The following ZDHHC14 variants were observed in gnomAD, a reference collection of about 807,000 sequenced individuals.
The protein encoded by ZDHHC14 is palmitoyltransferase ZDHHC14.
Under a neutral mutation model 47.7 loss-of-function variants are expected in ZDHHC14, and 16 were observed. The ratio of observed to expected loss-of-function variants is 0.34; its 90% CI spans 0.23 to 0.51. ZDHHC14 has a LOEUF of 0.51. Ranked by LOEUF, ZDHHC14 falls within the 20% of genes least tolerant of loss-of-function variation. ZDHHC14 has a pLI of 0.97. For synonymous variants in ZDHHC14, 293 were observed against 278.9 expected (o/e 1.05, Z -0.50); for missense variants, 515 against 662.5 (o/e 0.78, Z 2.44).
chr6:157,396,623 A>T (rs559690204), intron 1 of ZDHHC14, among the ~76,000 whole-genome samples: 9 of 152,362 alleles, frequency 5.9e-5, no homozygotes, highest in Admixed American at 5.2e-4. Flanking sequence ...TAACACACAC[A>T]GTCAAATGGT....
intron 7 of ZDHHC14, 106 bp from the exon 8 acceptor site, chr6:157,653,419 G>GCATGTCACGGGAAGAGGGAGC: frequency 8.8e-7 from 1 of 1,142,574 alleles, no homozygotes; most frequent in Non-Finnish European, 1.3e-6. Context: ...CCTGAGGTGG[G>GCATGTCACGGGAAGAGGGAGC]CCTGTCACGG....
chr6:157,592,180 G>A (rs1350911656), intron 2 of ZDHHC14, among the ~76,000 whole-genome samples: 3 of 151,964 alleles, frequency 2.0e-5, no homozygotes, highest in African/African-American at 4.8e-5. Flanking sequence ...CCTTGGGGGA[G>A]TTTTAAAAGC....
intron 1 of ZDHHC14, among the ~76,000 whole-genome samples, chr6:157,523,216 A>G (rs1457577009): frequency 6.6e-6 from 1 of 151,848 alleles, no homozygotes; most frequent in Admixed American, 6.6e-5. Context: ...ATGGGCACTT[A>G]AATTTTTTCT....
chr6:157,427,781 C>T lies in ZDHHC14; in HGVS notation c.245+45515C>T, dbSNP rs1353204304. ...CACTGTGAGATTGACCACCTTCCAT[C>T]GGAGTGTGGAAACAGGTTTTCATCA... On this transcript the variant is annotated intron_variant, in intron 1 of 8. Coordinates refer to ENST00000359775, the MANE Select transcript of ZDHHC14 (RefSeq NM_024630.3). The surrounding 1 kb of genome is among the most constrained non-coding windows in gnomAD (Gnocchi z 4.4). 6.6e-6 allele frequency among the ~76,000 whole-genome samples: 1 copy of T among 152,084 alleles called. No individual in the cohort carries two copies. The highest frequency in any genetic ancestry group is 1.5e-5 in the Non-Finnish European group (1 of 68,024).
At chr6:157,513,179 G>A (rs1780557158) in intron 1 of ZDHHC14, among the ~76,000 whole-genome samples, 1 of 152,224 alleles carries the variant, frequency 6.6e-6, no homozygotes, top group African/African-American at 2.4e-5. Flanking sequence ...ACGTCTCGCT[G>A]TTGAGCAGAT....
chr6:157,458,262 C>T (rs777265236), intron 1 of ZDHHC14, among the ~76,000 whole-genome samples: 24 of 152,060 alleles, frequency 1.6e-4, no homozygotes, highest in Non-Finnish European at 2.2e-4. Flanking sequence ...TTTTTTCATT[C>T]GGTGTAGCAT....
At chr6:157,439,273 G>A (rs1352065879) in intron 1 of ZDHHC14, among the ~76,000 whole-genome samples, 1 of 152,114 alleles carries the variant, frequency 6.6e-6, no homozygotes, top group Non-Finnish European at 1.5e-5. Flanking sequence ...AACTGACAAA[G>A]ATCTAATATC....
intron 3 of ZDHHC14, among the ~76,000 whole-genome samples, chr6:157,601,494 C>T (rs1784334172): frequency 6.6e-6 from 1 of 151,894 alleles, no homozygotes; most frequent in Non-Finnish European, 1.5e-5. Flanking sequence ...TATCAGTTAC[C>T]TAATAAATAC....
chr6:157,541,031 A>G (rs954404111), intron 1 of ZDHHC14, among the ~76,000 whole-genome samples: 4 of 151,800 alleles, frequency 2.6e-5, no homozygotes, highest in African/African-American at 9.7e-5. Context: ...GAGAAGTTAC[A>G]AGAATAAGAG....
intron 1 of ZDHHC14, among the ~76,000 whole-genome samples, chr6:157,523,791 C>T (rs539062406): frequency 6.6e-5 from 10 of 151,530 alleles, no homozygotes; most frequent in Admixed American, 3.3e-4. Flanking sequence ...GTCCCAGCTA[C>T]TCAGGAGGCT....
intron 1 of ZDHHC14, among the ~76,000 whole-genome samples, chr6:157,445,144 A>ACACACACTCT (rs376300431): frequency 2.0e-5 from 3 of 146,838 alleles, no homozygotes; most frequent in African/African-American, 7.9e-5. Flanking sequence ...ACACACACAC[A>ACACACACTCT]CTCTTCATAT....
intron 8 of ZDHHC14, among the ~76,000 whole-genome samples, chr6:157,666,347 T>TTGCA (rs1238017978): frequency 6.6e-6 from 1 of 152,202 alleles, no homozygotes; most frequent in East Asian, 1.9e-4. Context: ...AAACCAGCAG[T>TTGCA]TGCATGATTT....
At chr6:157,472,784 G>T (rs557823010) in intron 1 of ZDHHC14, among the ~76,000 whole-genome samples, 37 of 152,286 alleles carry the variant, frequency 2.4e-4, no homozygotes, top group African/African-American at 8.4e-4. Context: ...GATACAAAGG[G>T]CAGCTTTGCT....
In ZDHHC14 at chr6:157,463,636, T is replaced by C. The variant is rs1206667140; in HGVS notation, c.246-78949T>C. On this transcript the variant is annotated intron_variant, in intron 1 of 8. Transcript: ENST00000359775. This position sits in a 1 kb window ranked among gnomAD's most constrained non-coding sequence, Gnocchi z 4.4. ...AGGTTAAGATGGCTATTGTGGATAA[T>C]ATACTCTTAGATATAAAATAATTCT... Among the ~76,000 whole-genome samples the C allele has an allele frequency of 1.3e-5, 2 of 152,228 alleles. No homozygotes were observed. The highest frequency in any genetic ancestry group is 2.9e-5 in the Non-Finnish European group (2 of 68,040).
At chr6:157,405,599 C>A (rs1378797253) in intron 1 of ZDHHC14, among the ~76,000 whole-genome samples, 1 of 151,980 alleles carries the variant, frequency 6.6e-6, no homozygotes, top group Non-Finnish European at 1.5e-5. Context: ...GTCAGAAAAA[C>A]CTCTCCAAGG....
Position 157,382,009 on chromosome 6 carries a change from G to A in ZDHHC14, c.-13G>A. ...TCCTGGGGGTGTGCGCCCCCAGCCG[G>A]CTGCCCTCGTGGATGCCTCCCGGCG... On this transcript the variant is annotated 5_prime_UTR_variant, in exon 1 of 9. Transcript: ENST00000359775. 7.0e-7 allele frequency: 1 copy of A among 1,429,318 alleles called. No individual in the cohort carries two copies. The highest frequency in any genetic ancestry group is 9.2e-7 in the Non-Finnish European group (1 of 1,088,872). The allele number at this position is 1,429,318 out of a possible 1,614,324, so 88.5% of individuals were successfully genotyped here. A position where few individuals can be genotyped will look rare whatever the true frequency, so the allele number is the denominator to read the frequency against.
intron 1 of ZDHHC14, among the ~76,000 whole-genome samples, chr6:157,455,193 A>G (rs1778885758): frequency 2.0e-5 from 3 of 152,204 alleles, no homozygotes; most frequent in Admixed American, 6.5e-5. Context: ...AGCATTTCCC[A>G]GTCTGCATGG....
chr6:157,509,309 T>C (rs1191784460), intron 1 of ZDHHC14, among the ~76,000 whole-genome samples: 1 of 152,174 alleles, frequency 6.6e-6, no homozygotes, highest in African/African-American at 2.4e-5. Flanking sequence ...CACAGCAGCA[T>C]CCAGATGAGG....
At position 157,542,618 on chromosome 6, in the gene ZDHHC14, C is replaced by T; in HGVS notation, c.279C>T (p.Ala93=). Residue 93 remains alanine (A), a synonymous_variant, in exon 2 of 9, where the codon GCC becomes GCT. Coordinates refer to ENST00000359775, the MANE Select transcript of ZDHHC14 (RefSeq NM_024630.3). ...CPYLAVKITP[A]IPAVAGILFF... ...ACCTGGCGGTGAAAATCACCCCTGC[C>T]ATCCCTGCAGTCGCTGGCATCCTGT... 6.2e-7 allele frequency: 1 copy of T among 1,614,202 alleles called. No individual in the cohort carries two copies. The highest frequency in any genetic ancestry group is 1.1e-5 in the South Asian group (1 of 91,080).
Sources: gnomAD v4.1 joint callset for allele counts (sites outside exome capture counted in the v4.1 genomes callset) on GRCh38, gnomAD v4.1.1 for gene constraint, Gnocchi (gnomAD v3.1) non-coding constraint, MANE v1.5 for transcripts, NCBI Gene and HGNC (gene_info 2026-07-23, HGNC 2026-07-21) for gene names.